PTPN3: variants seen among roughly 807,000 people sequenced by gnomAD.
PTPN3 encodes tyrosine-protein phosphatase non-receptor type 3.
PTPN3 carries 96 observed loss-of-function variants against 132.7 expected under a neutral mutation model. That is an observed-to-expected ratio of 0.72 (90% CI 0.61 to 0.86). PTPN3 has a LOEUF of 0.86. PTPN3 is among the 40% of genes least tolerant of loss of function. The pLI is 0.00. For missense variants in PTPN3, 1,125 were observed against 1,159.6 expected (o/e 0.97, Z 0.43); for synonymous variants, 398 against 429.0 (o/e 0.93, Z 0.89).
Position 109,420,483 on chromosome 9 carries a change from G to A in PTPN3, c.1254C>T (p.Gly418=). The change falls in exon 14 of 26, where the codon GGC becomes GGT. Residue 418 remains glycine (G), a synonymous_variant. Coordinates refer to ENST00000374541, the MANE Select transcript of PTPN3 (RefSeq NM_002829.4). ...ETEDVFYTYK[G]SLAPQDSDSE... ...AATCGCTGTCTTGAGGGGCCAGAGA[G>A]CCCTTGTACGTGTAAAATACATCTT... 6.2e-7 allele frequency: 1 copy of A among 1,613,432 alleles called. No individual in the cohort carries two copies. The highest frequency in any genetic ancestry group is 1.1e-5 in the South Asian group (1 of 91,046).
chr9:109,386,537 C>A (rs1448074054), intron 22 of PTPN3, among the ~76,000 whole-genome samples: 1 of 152,098 alleles, frequency 6.6e-6, no homozygotes, highest in South Asian at 2.1e-4. Flanking sequence ...GCGGCTCACA[C>A]AGGAGGAGGA....
At chr9:109,391,370 G>T in intron 20 of PTPN3, 101 bp downstream of exon 20, 1 of 1,359,294 alleles carries the variant, frequency 7.4e-7, no homozygotes, top group Non-Finnish European at 1.0e-6. Flanking sequence ...GGTGTTTACA[G>T]ACACACTGAA....
intron 1 of PTPN3, 27 bp from the exon 2 acceptor site, chr9:109,463,478 G>A: frequency 6.3e-7 from 1 of 1,581,670 alleles, no homozygotes; most frequent in South Asian, 1.2e-5. Flanking sequence ...ACCTGTTAGT[G>A]CTTTAATATG....
chr9:109,402,820 T>C (rs1440989101), intron 19 of PTPN3, among the ~76,000 whole-genome samples: 3 of 152,122 alleles, frequency 2.0e-5, no homozygotes, highest in African/African-American at 7.2e-5. Context: ...CCTGTAATCC[T>C]AGCACTTTGG....
intron 5 of PTPN3, 89 bp downstream of exon 5, chr9:109,454,407 T>C: frequency 9.0e-7 from 1 of 1,109,186 alleles, no homozygotes; most frequent in Non-Finnish European, 1.4e-6. Flanking sequence ...AATGAAGTTA[T>C]TTGGCCATAG....
intron 22 of PTPN3, 131 bp from the exon 23 acceptor site, chr9:109,383,682 T>A (rs759993351): frequency 1.6e-4 from 212 of 1,300,546 alleles, no homozygotes; most frequent in Non-Finnish European, 1.9e-4. Context: ...GAAAACAAAC[T>A]CAGCCAAGTC....
rs919349477 is a variant in PTPN3 at position 109,472,027 on chromosome 9, G to A, written c.-17-8576C>T. Among the ~76,000 whole-genome samples the A allele has an allele frequency of 7.9e-5, 12 of 152,166 alleles. No individual in the cohort carries two copies. In the East Asian group the frequency reaches 1.5e-3, roughly 20 times the overall value. On this transcript the variant is annotated intron_variant, in intron 1 of 25. Coordinates refer to ENST00000374541, the MANE Select transcript of PTPN3 (RefSeq NM_002829.4). ...CCCAGAGCTAAATAGAGTTTCTGTA[G>A]CTTGGCAGCTGTCCCATCACTCGGT...
intron 1 of PTPN3, among the ~76,000 whole-genome samples, chr9:109,469,368 C>T (rs908609939): frequency 6.6e-6 from 1 of 152,212 alleles, no homozygotes; most frequent in Non-Finnish European, 1.5e-5. Flanking sequence ...CCTGTATTCC[C>T]AGCACTTTGG....
chr9:109,513,754 G>C, the PTPN3 span, among the ~76,000 whole-genome samples: 1 of 152,124 alleles, frequency 6.6e-6, no homozygotes, highest in Non-Finnish European at 1.5e-5. Flanking sequence ...TGCTTTCTGT[G>C]CAGAGACTTA....
intron 6 of PTPN3, among the ~76,000 whole-genome samples, chr9:109,448,201 C>G (rs906297443): frequency 6.6e-6 from 1 of 152,180 alleles, no homozygotes; most frequent in Non-Finnish European, 1.5e-5. Context: ...CCTCTGAAGA[C>G]CCTCCTCTCC....
At position 109,436,916 on chromosome 9, in the gene PTPN3, G is replaced by A. The variant is rs1844095475; in HGVS notation, c.642C>T (p.Leu214=). 12 of 1,613,962 alleles carry A rather than the reference G, an allele frequency of 7.4e-6. No individual in the cohort carries two copies. The highest frequency in any genetic ancestry group is 1.0e-5 in the Non-Finnish European group (12 of 1,179,990). ...TGTGCAGTTCTACTCCATAGAAGTC[G>A]AGGGTCCGCGCTATGTTGATATAGC... The part of the protein sequence containing the change: ...ESCYINIART[L]DFYGVELHSG... The change falls in exon 9 of 26, where the codon CTC becomes CTT. Residue 214 remains leucine (L), a synonymous_variant. Transcript: ENST00000374541.
chr9:109,444,125 C>G (rs1056696106), intron 7 of PTPN3, among the ~76,000 whole-genome samples: 1 of 152,200 alleles, frequency 6.6e-6, no homozygotes, highest in African/African-American at 2.4e-5. Flanking sequence ...GCTGCCTTAT[C>G]TATCTATCAC....
At position 109,463,409 on chromosome 9, in the gene PTPN3, C is replaced by A; in HGVS notation, c.26G>T (p.Gly9Val). ...GGTGCGTATATTATTAATTCTTCCA[C>A]CCAACGCACGTAACCGGGAGGTCAT... is the stretch of plus-strand genomic sequence containing the variant. MTSRLRALGGRINNIRTSE... is the reference protein window; with the variant it reads MTSRLRALVGRINNIRTSE... Residue 9 changes from glycine (G) to valine (V), a missense_variant, in exon 2 of 26, where the codon GGT becomes GTT. Physicochemically the swap from Gly to Val is moderately radical, Grantham distance 109 (BLOSUM62 -3). Coordinates refer to ENST00000374541, the MANE Select transcript of PTPN3 (RefSeq NM_002829.4). The A allele has an allele frequency of 6.2e-7, 1 of 1,611,642 alleles. No homozygotes were observed. The highest frequency in any genetic ancestry group is 8.5e-7 in the Non-Finnish European group (1 of 1,179,428).
the PTPN3 span, among the ~76,000 whole-genome samples, chr9:109,536,942 C>T: frequency 1.3e-5 from 2 of 151,962 alleles, no homozygotes; most frequent in African/African-American, 2.4e-5. Flanking sequence ...CTTCCCCCCA[C>T]CCCCCAATAT....
At chr9:109,515,623 A>T in the PTPN3 span, among the ~76,000 whole-genome samples, 1 of 152,220 alleles carries the variant, frequency 6.6e-6, no homozygotes, top group Non-Finnish European at 1.5e-5. Context: ...TGCAGGCTGT[A>T]CAAGAAACAT....
chr9:109,457,503 G>T, intron 2 of PTPN3, 104 bp from the exon 3 acceptor site: 1 of 831,892 alleles, frequency 1.2e-6, no homozygotes. Context: ...GAAATGCTAT[G>T]CACACACACT....
chr9:109,456,719 G>A (rs547708948), intron 4 of PTPN3, among the ~76,000 whole-genome samples: 3 of 152,318 alleles, frequency 2.0e-5, no homozygotes, highest in African/African-American at 7.2e-5. Context: ...AGAGATAAGC[G>A]GTAGTTTGGA....
chr9:109,494,547 T>C (rs1847599340), intron 1 of PTPN3, among the ~76,000 whole-genome samples: 1 of 152,208 alleles, frequency 6.6e-6, no homozygotes, highest in African/African-American at 2.4e-5. Flanking sequence ...AATGCCATCT[T>C]GTTCCTAAGT....
At chr9:109,459,479 G>T (rs769386431) in intron 2 of PTPN3, among the ~76,000 whole-genome samples, 3 of 152,226 alleles carry the variant, frequency 2.0e-5, no homozygotes, top group Non-Finnish European at 4.4e-5. Flanking sequence ...AGCTTGGGGT[G>T]GCAGCCACGT....
Sources: allele counts gnomAD v4.1 joint callset (sites outside exome capture counted in the v4.1 genomes callset), GRCh38; gene constraint gnomAD v4.1.1; transcripts MANE v1.5; gene names NCBI Gene and HGNC (gene_info 2026-07-23, HGNC 2026-07-21).